The following GNB5 variants were observed in gnomAD, a reference collection of about 807,000 sequenced individuals.
GNB5 encodes the protein G protein subunit beta 5, also known as guanine nucleotide-binding protein subunit beta-5.
Under a neutral mutation model 55.3 loss-of-function variants are expected in GNB5, and 37 were observed. The ratio of observed to expected loss-of-function variants is 0.67; its 90% CI spans 0.51 to 0.88. The LOEUF (loss-of-function observed/expected upper bound fraction) is 0.88. Among genes scored for constraint, GNB5 ranks in the 40% least tolerant of loss-of-function variants. The pLI is 0.00. For missense variants in GNB5, 476 were observed against 515.3 expected (o/e 0.92, Z 0.74); for synonymous variants, 219 against 198.5 (o/e 1.10, Z -0.87).
chr15:52,123,911 A>G (rs2033343201), intron 12 of GNB5, among the ~76,000 whole-genome samples: 1 of 151,510 alleles, frequency 6.6e-6, no homozygotes, highest in Non-Finnish European at 1.5e-5. Context: ...TCTCTTTGAG[A>G]ATTTAATGAA....
chr15:52,128,952 T>TC (rs1471610497), intron 9 of GNB5, among the ~76,000 whole-genome samples: 1 of 137,918 alleles, frequency 7.3e-6, no homozygotes, highest in African/African-American at 2.9e-5. Context: ...CCATTGTTTC[T>TC]CCTTTTTTTT....
intron 3 of GNB5, among the ~76,000 whole-genome samples, chr15:52,156,016 G>A (rs114002760): frequency 1.2e-3 from 184 of 152,228 alleles, no homozygotes; most frequent in African/African-American, 4.4e-3. Context: ...TGGCTGGCAA[G>A]TGGTGATCTT....
Position 52,153,981 on chromosome 15 carries a change from C to T in GNB5, c.334G>A (p.Asp112Asn). The T allele has an allele frequency of 5.0e-6, 8 of 1,614,120 alleles. No individual in the cohort carries two copies. Among genetic ancestry groups the T allele is most frequent in the African/African-American group, 1.3e-5 (1 of 75,066 alleles). The part of the protein sequence containing the change: ...KGHGNKVLCM[D>N]WCKDKRRIVS... ...ATCCTCCTCTTATCTTTGCACCAGTCCATGCACAGGACTTTGTTCCCGTGG... is the reference window on the plus strand; with the variant it reads ...ATCCTCCTCTTATCTTTGCACCAGTTCATGCACAGGACTTTGTTCCCGTGG... The change falls in exon 4 of 13, where the codon GAC becomes AAC. Residue 112 changes from aspartate (D) to asparagine (N), a missense_variant. Asp to Asn is a conservative substitution (Grantham distance 23). Transcript: ENST00000261837.
chr15:52,127,087 G>A (rs544880067), intron 10 of GNB5, among the ~76,000 whole-genome samples: 3 of 152,104 alleles, frequency 2.0e-5, no homozygotes, highest in Admixed American at 1.3e-4. Flanking sequence ...ATGAACCACC[G>A]TGCCTGGCCA....
At chr15:52,156,882 G>A (rs1327928290) in intron 3 of GNB5, among the ~76,000 whole-genome samples, 1 of 151,616 alleles carries the variant, frequency 6.6e-6, no homozygotes, top group African/African-American at 2.4e-5. Flanking sequence ...TTACAAATAC[G>A]TTCTTTACAA....
chr15:52,162,138 G>C (rs927910630), intron 3 of GNB5, among the ~76,000 whole-genome samples: 2 of 152,264 alleles, frequency 1.3e-5, no homozygotes, highest in African/African-American at 4.8e-5. Context: ...GGGGCCTGAG[G>C]GAAGAGCACA....
At position 52,131,381 on chromosome 15, in the gene GNB5, G is replaced by A. The variant is rs988690009; in HGVS notation, c.863+1997C>T. ...ACGGGAGAATGTGCATAGGCTATAT[G>A]CAAATACTATACCACTTTAATTTTA... is the stretch of plus-strand genomic sequence containing the variant. On this transcript the variant is annotated intron_variant, in intron 9 of 12. Transcript: ENST00000261837. 5.9e-5 allele frequency among the ~76,000 whole-genome samples: 9 copies of A among 152,140 alleles called. No individual in the cohort carries two copies. In the East Asian group the frequency reaches 1.7e-3, roughly 29 times the overall value.
intron 6 of GNB5, 91 bp downstream of exon 6, chr15:52,147,368 A>C (rs1272274013): frequency 1.2e-6 from 1 of 806,748 alleles, no homozygotes; most frequent in Non-Finnish European, 2.2e-6. Flanking sequence ...AAACAACAAA[A>C]ACTGTGAGTT....
Position 52,135,851 on chromosome 15 carries a change from GAA to G in GNB5, c.628-97_628-96del, listed in dbSNP as rs1491107946. Reference sequence around the variant, plus strand: ...GCTTAACGTTCCGCAGGGAAAAGCAGAACACACACACACACACACACACACAC... The same window carrying G: ...GCTTAACGTTCCGCAGGGAAAAGCAGCACACACACACACACACACACACAC... On this transcript the variant is annotated intron_variant, in intron 7 of 12. Coordinates refer to ENST00000261837, the MANE Select transcript of GNB5 (RefSeq NM_016194.4). 7 of 690,816 alleles carry G rather than the reference GAA, an allele frequency of 1.0e-5. No homozygotes were observed. The African/African-American group carries it at 1.4e-4, about 13-fold the overall frequency. The allele number at this position is 690,816 out of a possible 1,614,324, so 42.8% of individuals were successfully genotyped here.
At chr15:52,146,091 G>T (rs1172835483) in intron 6 of GNB5, among the ~76,000 whole-genome samples, 6 of 151,546 alleles carry the variant, frequency 4.0e-5, no homozygotes, top group African/African-American at 1.5e-4. Flanking sequence ...CGAGTAGCTG[G>T]GACTACAGGC....
At chr15:52,165,785 C>T (rs565150423) in intron 3 of GNB5, among the ~76,000 whole-genome samples, 1 of 152,166 alleles carries the variant, frequency 6.6e-6, no homozygotes, top group Admixed American at 6.6e-5. Context: ...CCTACACAAA[C>T]AAGTCTGCAA....
At chr15:52,136,480 G>C (rs1489642691) in intron 7 of GNB5, among the ~76,000 whole-genome samples, 1 of 152,148 alleles carries the variant, frequency 6.6e-6, no homozygotes, top group Non-Finnish European at 1.5e-5. Flanking sequence ...TGCTAATAGA[G>C]TCTGGGGTGG....
chr15:52,179,928 T>C (rs1295044892), intron 2 of GNB5, 49 bp from the exon 3 acceptor site: 3 of 1,452,844 alleles, frequency 2.1e-6, no homozygotes, highest in South Asian at 1.3e-5. Flanking sequence ...GGGAATGCGC[T>C]GAGCCGCGGC....
chr15:52,137,727 G>T (rs186359185), intron 7 of GNB5: 2 of 1,189,922 alleles, frequency 1.7e-6, no homozygotes, highest in Admixed American at 3.6e-5. Flanking sequence ...AGGCAGTGAG[G>T]ACTCAGGGTT....
intron 7 of GNB5, among the ~76,000 whole-genome samples, chr15:52,140,769 A>G (rs1314608460): frequency 6.6e-6 from 1 of 152,220 alleles, no homozygotes; most frequent in Non-Finnish European, 1.5e-5. Context: ...AGTGAGATGC[A>G]TGCAGTGCAC....
chr15:52,179,731 T>TCCGGCTTGCCCCGCCCGC (rs2034729948), intron 3 of GNB5, 37 bp downstream of exon 3: 1 of 1,054,064 alleles, frequency 9.5e-7, no homozygotes, highest in Admixed American at 2.9e-5. Context: ...GGCGAGCCGG[T>TCCGGCTTGCCCCGCCCGC]CCGGCTTGCC....
intron 9 of GNB5, among the ~76,000 whole-genome samples, chr15:52,132,275 T>A (rs1415056204): frequency 6.6e-6 from 1 of 152,232 alleles, no homozygotes; most frequent in African/African-American, 2.4e-5. Flanking sequence ...CCATGAGCTA[T>A]GACAGCCCAA....
intron 2 of GNB5, 90 bp from the exon 3 acceptor site, chr15:52,179,969 C>A (rs1410663608): frequency 4.4e-6 from 6 of 1,362,194 alleles, no homozygotes; most frequent in African/African-American, 3.1e-5. Context: ...TCCCCGGCCC[C>A]GAGCACCGCC....
intron 7 of GNB5, chr15:52,139,903 T>C: frequency 7.8e-7 from 1 of 1,286,860 alleles, no homozygotes; most frequent in African/African-American, 1.5e-5. Flanking sequence ...AGATGCCTGA[T>C]GGTCGTGGTA....
Sources: allele counts gnomAD v4.1 joint callset (sites outside exome capture counted in the v4.1 genomes callset), GRCh38; gene constraint gnomAD v4.1.1; transcripts MANE v1.5; gene names NCBI Gene and HGNC (gene_info 2026-07-23, HGNC 2026-07-21).